PPFIA2: variants seen among roughly 807,000 people sequenced by gnomAD.
PPFIA2 encodes the protein PPFI scaffold protein A2.
In PPFIA2, 46 loss-of-function variants were observed where a neutral mutation model predicts 175.5. The ratio of observed to expected loss-of-function variants is 0.26; its 90% CI spans 0.21 to 0.34. PPFIA2 has a LOEUF of 0.34. Among genes scored for constraint, PPFIA2 ranks in the 10% least tolerant of loss-of-function variants. The pLI is 1.00. For missense variants in PPFIA2, 1,179 were observed against 1,506.1 expected (o/e 0.78, Z 3.60); for synonymous variants, 568 against 511.4 (o/e 1.11, Z -1.49).
chr12:81,412,900 GA>G (rs1410070596), intron 7 of PPFIA2, among the ~76,000 whole-genome samples: 1 of 151,826 alleles, frequency 6.6e-6, no homozygotes, highest in Non-Finnish European at 1.5e-5. Context: ...CTAGCTTACT[GA>G]AAGGCTTCGA....
intron 27 of PPFIA2, among the ~76,000 whole-genome samples, chr12:81,280,526 T>C (rs1013424459): frequency 2.6e-5 from 4 of 152,106 alleles, no homozygotes; most frequent in Non-Finnish European, 5.9e-5. Context: ...GCCAAAATCA[T>C]CTATGGTTAT....
At chr12:81,565,267 G>A (rs1229284541) in intron 4 of PPFIA2, among the ~76,000 whole-genome samples, 1 of 152,038 alleles carries the variant, frequency 6.6e-6, no homozygotes, top group Non-Finnish European at 1.5e-5. Flanking sequence ...TTCTCCTCAG[G>A]AGCCACCCCC....
chr12:81,289,307 C>A (rs2137472552), intron 24 of PPFIA2, among the ~76,000 whole-genome samples: 1 of 151,912 alleles, frequency 6.6e-6, no homozygotes, highest in Admixed American at 6.6e-5. Flanking sequence ...ACTGAGCTGA[C>A]TAATGCCTAT....
chr12:81,482,513 T>A (rs2058357371), intron 4 of PPFIA2, among the ~76,000 whole-genome samples: 1 of 152,044 alleles, frequency 6.6e-6, no homozygotes, highest in African/African-American at 2.4e-5. Flanking sequence ...GATAGACGGA[T>A]AAAGAAAATG....
intron 7 of PPFIA2, among the ~76,000 whole-genome samples, chr12:81,410,794 A>G (rs2043805269): frequency 6.6e-6 from 1 of 152,042 alleles, no homozygotes; most frequent in Admixed American, 6.6e-5. Context: ...TGGCTGAGCT[A>G]TGGGAAACGA....
chr12:81,732,895 C>T (rs1340804692), intron 3 of PPFIA2, among the ~76,000 whole-genome samples: 1 of 151,368 alleles, frequency 6.6e-6, no homozygotes, highest in Non-Finnish European at 1.5e-5. Flanking sequence ...AAGGAAACAA[C>T]TTCCAAGAAC....
At chr12:81,537,247 T>C (rs1030452911) in intron 4 of PPFIA2, among the ~76,000 whole-genome samples, 2 of 151,780 alleles carry the variant, frequency 1.3e-5, no homozygotes, top group African/African-American at 2.4e-5. Flanking sequence ...AATTATGTAG[T>C]ATATGAATTT....
intron 3 of PPFIA2, among the ~76,000 whole-genome samples, chr12:81,680,911 C>A (rs1307341694): frequency 1.3e-5 from 2 of 151,914 alleles, no homozygotes; most frequent in African/African-American, 2.4e-5. Flanking sequence ...CAACTGCTGA[C>A]CTGCACTTGT....
intron 24 of PPFIA2, among the ~76,000 whole-genome samples, chr12:81,288,125 C>T (rs925275565): frequency 6.6e-6 from 1 of 151,808 alleles, no homozygotes; most frequent in Non-Finnish European, 1.5e-5. Flanking sequence ...CTAATGACTA[C>T]TCTAGGACAT....
intron 4 of PPFIA2, among the ~76,000 whole-genome samples, chr12:81,642,728 C>CACGT (rs1555549508): frequency 1.8e-4 from 2 of 11,322 alleles, no homozygotes; most frequent in Non-Finnish European, 5.4e-4. Flanking sequence ...TATATACATA[C>CACGT]ATGTATATGT....
intron 9 of PPFIA2, 38 bp from the exon 10 acceptor site, chr12:81,375,980 C>T: frequency 2.6e-6 from 4 of 1,552,044 alleles, no homozygotes; most frequent in Non-Finnish European, 3.5e-6. Flanking sequence ...AAATCAGATT[C>T]TCAGATTGTT....
At chr12:81,618,874 G>A (rs1380843086) in intron 4 of PPFIA2, among the ~76,000 whole-genome samples, 2 of 152,120 alleles carry the variant, frequency 1.3e-5, no homozygotes, top group South Asian at 4.1e-4. Context: ...ATTATTTGTT[G>A]AGTGATATTA....
intron 4 of PPFIA2, among the ~76,000 whole-genome samples, chr12:81,612,896 T>C (rs2061071945): frequency 6.6e-6 from 1 of 152,210 alleles, no homozygotes; most frequent in Non-Finnish European, 1.5e-5. Context: ...ATTTTATTTC[T>C]TCTTATTTGT....
At chr12:81,286,541 A>G (rs1030970421) in intron 24 of PPFIA2, among the ~76,000 whole-genome samples, 3 of 152,054 alleles carry the variant, frequency 2.0e-5, no homozygotes, top group Non-Finnish European at 4.4e-5. Flanking sequence ...CCCTGGAGCA[A>G]TAAGTTATAC....
chr12:81,548,456 G>T (rs1258888937), intron 4 of PPFIA2, among the ~76,000 whole-genome samples: 1 of 152,100 alleles, frequency 6.6e-6, no homozygotes, highest in Admixed American at 6.6e-5. Context: ...TTTGTCCAAA[G>T]CTGGAGAATA....
rs145359956 is a variant in PPFIA2 at position 81,747,846 on chromosome 12, T to A, written c.249+6127A>T. Among the ~76,000 whole-genome samples, 65 of 144,528 alleles carry A rather than the reference T, an allele frequency of 4.5e-4. 6 individuals are homozygous for A. The highest frequency in any genetic ancestry group is 1.4e-3 in the Admixed American group (19 of 13,744). 94.8% of individuals were successfully genotyped at this position (144,528 alleles called of 152,430 possible). A position where few individuals can be genotyped will look rare whatever the true frequency, so the allele number is the denominator to read the frequency against. ...TTTAGAATGTCAAAAGATATATATG[T>A]CCTCCATAAGTAGCCTCTTTTAATT... On this transcript the variant is annotated intron_variant, in intron 3 of 32. Coordinates refer to ENST00000549396, the MANE Select transcript of PPFIA2 (RefSeq NM_003625.5).
chr12:81,279,564 G>A (rs2041550111), intron 27 of PPFIA2, among the ~76,000 whole-genome samples: 1 of 152,080 alleles, frequency 6.6e-6, no homozygotes, highest in Admixed American at 6.5e-5. Flanking sequence ...AAAGACCATA[G>A]GATGCAATAT....
chr12:81,494,878 G>A (rs1359901400), intron 4 of PPFIA2, among the ~76,000 whole-genome samples: 2 of 146,526 alleles, frequency 1.4e-5, no homozygotes, highest in East Asian at 4.1e-4. Context: ...CTCACTCATA[G>A]GTGGGAATTG....
intron 4 of PPFIA2, among the ~76,000 whole-genome samples, chr12:81,584,875 TA>T (rs1429911927): frequency 3.7e-5 from 2 of 54,236 alleles, no homozygotes; most frequent in Non-Finnish European, 6.8e-5. Flanking sequence ...TTATATTATA[TA>T]ATTATATATT....
Sources: gnomAD v4.1 joint callset for allele counts (sites outside exome capture counted in the v4.1 genomes callset) on GRCh38, gnomAD v4.1.1 for gene constraint, MANE v1.5 for transcripts, NCBI Gene and HGNC (gene_info 2026-07-23, HGNC 2026-07-21) for gene names.